The following WAC variants were observed in gnomAD, a reference collection of about 807,000 sequenced individuals.
WAC encodes the protein WW domain-containing adapter protein with coiled-coil.
In WAC, 11 loss-of-function variants were observed where a neutral mutation model predicts 79.6. That is an observed-to-expected ratio of 0.14 (90% CI 0.09 to 0.23). The LOEUF (loss-of-function observed/expected upper bound fraction) is 0.23. WAC is among the 10% of genes least tolerant of loss of function. WAC has a pLI of 1.00. For missense variants in WAC, 728 were observed against 773.5 expected (o/e 0.94, Z 0.70); for synonymous variants, 304 against 276.9 (o/e 1.10, Z -0.97).
chr10:28,554,194 A>G lies in WAC; in HGVS notation c.274+18437A>G, dbSNP rs182181773. ...TTAGAGGTGATTTTAAGTACACAGG[A>G]TGTGCATAGGTTATATGCAAATACT... On this transcript the variant is annotated intron_variant, in intron 3 of 13. Coordinates refer to ENST00000354911, the MANE Select transcript of WAC (RefSeq NM_016628.5). Among the ~76,000 whole-genome samples, 5 of 152,210 alleles carry G rather than the reference A, an allele frequency of 3.3e-5. No homozygotes were observed. In the East Asian group the frequency reaches 9.7e-4, roughly 29 times the overall value.
chr10:28,565,280 G>C (rs1325826333), intron 3 of WAC, among the ~76,000 whole-genome samples: 1 of 152,224 alleles, frequency 6.6e-6, no homozygotes, highest in Non-Finnish European at 1.5e-5. Context: ...TTCATGTACA[G>C]ATTCTTGTGT....
At chr10:28,582,089 A>G (rs1839567818) in intron 3 of WAC, among the ~76,000 whole-genome samples, 1 of 152,198 alleles carries the variant, frequency 6.6e-6, no homozygotes, top group Admixed American at 6.5e-5. Context: ...TTGTGACATC[A>G]CTAGCTTTCT....
At chr10:28,572,403 G>C (rs1027738757) in intron 3 of WAC, among the ~76,000 whole-genome samples, 1 of 151,634 alleles carries the variant, frequency 6.6e-6, no homozygotes, top group African/African-American at 2.4e-5. Flanking sequence ...TTTAAATTTG[G>C]TGGTCAAGAA....
At chr10:28,570,640 C>T (rs1272951429) in intron 3 of WAC, among the ~76,000 whole-genome samples, 2 of 152,096 alleles carry the variant, frequency 1.3e-5, no homozygotes, top group Admixed American at 1.3e-4. Flanking sequence ...GAAATTATTC[C>T]AGTGGCATGT....
chr10:28,548,949 C>T (rs1273045425), intron 3 of WAC, among the ~76,000 whole-genome samples: 1 of 152,040 alleles, frequency 6.6e-6, no homozygotes, highest in Non-Finnish European at 1.5e-5. Context: ...GAATGGAGTG[C>T]ACTGGTATGG....
Position 28,608,252 on chromosome 10 carries a change from G to T in WAC, c.986G>T (p.Gly329Val), listed in dbSNP as rs746463051. The change falls in exon 8 of 14, where the codon GGA becomes GTA. Residue 329 changes from glycine to valine, a missense_variant. Coordinates refer to ENST00000354911, the MANE Select transcript of WAC (RefSeq NM_016628.5). ...ACTCCTTCCACGTCTTCTGCCTCTG[G>T]ACTGAACCCCACATCTGCACCTCCA... The part of the protein sequence containing the change: ...CTTPSTSSAS[G>V]LNPTSAPPTS... 6.2e-7 allele frequency: 1 copy of T among 1,613,954 alleles called. No individual in the cohort carries two copies. The highest frequency in any genetic ancestry group is 1.3e-5 in the African/African-American group (1 of 74,878).
intron 3 of WAC, among the ~76,000 whole-genome samples, chr10:28,581,704 G>A (rs899807415): frequency 1.3e-5 from 2 of 151,860 alleles, no homozygotes; most frequent in Non-Finnish European, 2.9e-5. Context: ...GGGACTACAG[G>A]CACACACCAC....
intron 10 of WAC, 53 bp downstream of exon 10, chr10:28,611,975 T>C (rs1343043716): frequency 2.5e-6 from 4 of 1,586,852 alleles, no homozygotes; most frequent in Non-Finnish European, 2.6e-6. Context: ...TTTTGGAAAG[T>C]CAATAACATT....
intron 10 of WAC, among the ~76,000 whole-genome samples, chr10:28,613,078 A>C (rs1045779288): frequency 6.6e-6 from 1 of 152,138 alleles, no homozygotes; most frequent in Non-Finnish European, 1.5e-5. Context: ...GGCCCTGGGC[A>C]ATATAGCAAG....
chr10:28,575,311 C>G (rs996435534), intron 3 of WAC, among the ~76,000 whole-genome samples: 2 of 152,142 alleles, frequency 1.3e-5, no homozygotes, highest in South Asian at 2.1e-4. Context: ...TTTACGTCCC[C>G]GAGTACCCAA....
rs1841694143 is a variant in WAC, at chr10:28,621,569, TTTA to T, written c.*1965_*1967del. The T allele has an allele frequency of 6.8e-6, 1 of 146,552 alleles. No individual in the cohort carries two copies. The highest frequency in any genetic ancestry group is 1.5e-5 in the Non-Finnish European group (1 of 67,998). The allele number at this position is 146,552 out of a possible 1,614,324, so 9.1% of individuals were successfully genotyped here. ...GACATGTCATTAATTTATTGTCATG[TTTA>T]TACCTCTGTGAGATTGTTAACATCT... On this transcript the variant is annotated 3_prime_UTR_variant, in exon 14 of 14. Coordinates refer to ENST00000354911, the MANE Select transcript of WAC (RefSeq NM_016628.5).
intron 3 of WAC, among the ~76,000 whole-genome samples, chr10:28,563,927 TA>T (rs1838450285): frequency 6.6e-6 from 1 of 151,844 alleles, no homozygotes; most frequent in African/African-American, 2.4e-5. Context: ...ACAAGAATTA[TA>T]GTAAAATATT....
At chr10:28,611,087 T>A (rs1841217581) in intron 9 of WAC, 3 of 558,898 alleles carry the variant, frequency 5.4e-6, no homozygotes, top group Non-Finnish European at 5.8e-6. Context: ...TAATTCAGAC[T>A]TTGTTATTAA....
chr10:28,559,468 C>T (rs1335815945), intron 3 of WAC, among the ~76,000 whole-genome samples: 1 of 151,994 alleles, frequency 6.6e-6, no homozygotes, highest in African/African-American at 2.4e-5. Flanking sequence ...ACGAGTTGAC[C>T]TAAGAAGGAA....
intron 3 of WAC, 141 bp downstream of exon 3, chr10:28,535,898 A>C (rs1431373447): frequency 1.5e-6 from 1 of 688,018 alleles, no homozygotes; most frequent in Non-Finnish European, 2.2e-6. Context: ...TTTTTTTTTT[A>C]CTCTGAACAA....
chr10:28,602,454 T>TA (rs1840690138), intron 7 of WAC, among the ~76,000 whole-genome samples: 1 of 152,350 alleles, frequency 6.6e-6, no homozygotes, highest in South Asian at 2.1e-4. Context: ...CTACTACACT[T>TA]ACATACCTCT....
chr10:28,541,618 G>C (rs778547930), intron 3 of WAC, among the ~76,000 whole-genome samples: 1 of 151,514 alleles, frequency 6.6e-6, no homozygotes, highest in Non-Finnish European at 1.5e-5. Flanking sequence ...ATTTTCAAAG[G>C]GTTTCTATAT....
rs928179800 is a variant in WAC at position 28,558,572 on chromosome 10, T to A, written c.274+22815T>A. ...AATCTATTTGTATAAATATAAATTG[T>A]AAAAAAAAATTATGTAAGTGAACCA... On this transcript the variant is annotated intron_variant, in intron 3 of 13. Coordinates refer to ENST00000354911, the MANE Select transcript of WAC (RefSeq NM_016628.5). 2.6e-5 allele frequency among the ~76,000 whole-genome samples: 4 copies of A among 151,824 alleles called. No homozygotes were observed. The East Asian group carries it at 5.8e-4, about 22-fold the overall frequency.
At chr10:28,586,950 ATCTG>A (rs1334674614) in intron 4 of WAC, among the ~76,000 whole-genome samples, 1 of 152,128 alleles carries the variant, frequency 6.6e-6, no homozygotes, top group Admixed American at 6.5e-5. Context: ...ACTAAGTATC[ATCTG>A]CATACTTTGG....
Sources: gnomAD v4.1 joint callset for allele counts (sites outside exome capture counted in the v4.1 genomes callset) on GRCh38, gnomAD v4.1.1 for gene constraint, MANE v1.5 for transcripts, NCBI Gene and HGNC (gene_info 2026-07-23, HGNC 2026-07-21) for gene names.